BABAM2: variants seen among roughly 807,000 people sequenced by gnomAD.
The protein encoded by BABAM2 is BRISC and BRCA1-A complex member 2.
BABAM2 carries 31 observed loss-of-function variants against 54.7 expected under a neutral mutation model. The ratio of observed to expected loss-of-function variants is 0.57; its 90% CI spans 0.43 to 0.77. The LOEUF is 0.77. Among genes scored for constraint, BABAM2 ranks in the 30% least tolerant of loss-of-function variants. BABAM2 has a pLI of 0.00. For synonymous variants in BABAM2, 167 were observed against 162.9 expected (o/e 1.03, Z -0.19); for missense variants, 364 against 455.8 (o/e 0.80, Z 1.83).
chr2:27,917,174 C>T (rs897156913), intron 2 of BABAM2, among the ~76,000 whole-genome samples: 1 of 151,920 alleles, frequency 6.6e-6, no homozygotes, highest in African/African-American at 2.4e-5. Flanking sequence ...CGTGCCACCA[C>T]GCGCAGCTAA....
At chr2:28,025,515 A>C in intron 5 of BABAM2, 95 bp downstream of exon 5, 1 of 1,220,918 alleles carries the variant, frequency 8.2e-7, no homozygotes, top group Non-Finnish European at 1.1e-6. Context: ...ATTTCTTTAG[A>C]TAAACATGGT....
chr2:28,193,413 C>T (rs1221435962), intron 7 of BABAM2, among the ~76,000 whole-genome samples: 3 of 152,112 alleles, frequency 2.0e-5, no homozygotes, highest in Admixed American at 2.0e-4. Flanking sequence ...GGCTCTGGCT[C>T]TGACGCTTAA....
chr2:28,311,260 CA>C (rs11309935), intron 11 of BABAM2, among the ~76,000 whole-genome samples: 69,617 of 110,486 alleles, frequency 0.63, 18,820 homozygotes, highest in Middle Eastern at 0.76. Context: ...GACCCTGTCT[CA>C]AAAAAAAAAA....
At chr2:27,931,065 T>TATAG (rs1668056477) in intron 3 of BABAM2, among the ~76,000 whole-genome samples, 3 of 152,238 alleles carry the variant, frequency 2.0e-5, no homozygotes, top group Middle Eastern at 3.2e-3. Context: ...TTCTGTAGAA[T>TATAG]CACTTGATAC....
intron 11 of BABAM2, among the ~76,000 whole-genome samples, chr2:28,333,597 G>A (rs763406831): frequency 4.6e-5 from 7 of 152,184 alleles, no homozygotes; most frequent in East Asian, 1.9e-4. Flanking sequence ...GGGTTGGACC[G>A]AGTTGTAATT....
At chr2:28,211,159 G>A (rs895266205) in intron 7 of BABAM2, among the ~76,000 whole-genome samples, 8 of 152,058 alleles carry the variant, frequency 5.3e-5, no homozygotes, top group Non-Finnish European at 1.2e-4. Context: ...TTTCGCATTG[G>A]TTCCCAAAAA....
At chr2:28,188,228 C>T (rs919953911) in intron 7 of BABAM2, among the ~76,000 whole-genome samples, 4 of 152,184 alleles carry the variant, frequency 2.6e-5, no homozygotes, top group African/African-American at 7.2e-5. Flanking sequence ...ATTCTACCTA[C>T]ACATTGGCAT....
At chr2:28,227,613 G>C (rs1490453227) in intron 7 of BABAM2, among the ~76,000 whole-genome samples, 1 of 152,156 alleles carries the variant, frequency 6.6e-6, no homozygotes, top group African/African-American at 2.4e-5. Flanking sequence ...CTTAAGAGCA[G>C]ACCTGTGTTT....
intron 7 of BABAM2, among the ~76,000 whole-genome samples, chr2:28,130,985 C>T (rs1025391818): frequency 1.3e-5 from 2 of 151,906 alleles, no homozygotes; most frequent in Non-Finnish European, 2.9e-5. Flanking sequence ...AGGTGATCTG[C>T]CCGCTTCGGC....
intron 7 of BABAM2, among the ~76,000 whole-genome samples, chr2:28,160,216 A>T (rs1672932140): frequency 6.6e-6 from 1 of 152,128 alleles, no homozygotes; most frequent in South Asian, 2.1e-4. Context: ...TCCTGGCCTC[A>T]GGGGATCCTC....
chr2:28,065,869 G>A (rs1238534142), intron 6 of BABAM2, among the ~76,000 whole-genome samples: 1 of 151,538 alleles, frequency 6.6e-6, no homozygotes. Flanking sequence ...GGCTGGGTGC[G>A]GTAGCTCATG....
At chr2:27,975,663 A>T (rs1021501517) in intron 3 of BABAM2, among the ~76,000 whole-genome samples, 1 of 152,134 alleles carries the variant, frequency 6.6e-6, no homozygotes, top group Non-Finnish European at 1.5e-5. Flanking sequence ...TAGATACAAC[A>T]GTAGAAACAT....
At chr2:27,932,081 G>A (rs922338245) in intron 3 of BABAM2, among the ~76,000 whole-genome samples, 7 of 151,948 alleles carry the variant, frequency 4.6e-5, no homozygotes, top group Admixed American at 1.3e-4. Context: ...TCTATGTATC[G>A]TAGATTCTAT....
At position 28,329,686 on chromosome 2, in the gene BABAM2, A is replaced by G. The variant is rs1462061361; in HGVS notation, c.1089-8764A>G. ...AACAAGTTCTGAAATTGAGGCAGTA[A>G]TAAATAGCCTACCAACCAAAAAAAG... is the stretch of plus-strand genomic sequence containing the variant. On this transcript the variant is annotated intron_variant, in intron 11 of 11. Transcript: ENST00000379624. This position sits in a 1 kb window ranked among gnomAD's most constrained non-coding sequence, Gnocchi z 4.2. 6.6e-6 allele frequency among the ~76,000 whole-genome samples: 1 copy of G among 152,246 alleles called. No individual in the cohort carries two copies.
intron 6 of BABAM2, among the ~76,000 whole-genome samples, chr2:28,074,028 C>CAT (rs1195905364): frequency 3.9e-5 from 6 of 151,942 alleles, no homozygotes; most frequent in Admixed American, 2.0e-4. Flanking sequence ...CATATATACA[C>CAT]ATATATATAC....
intron 6 of BABAM2, among the ~76,000 whole-genome samples, chr2:28,078,575 C>T (rs909517580): frequency 1.3e-5 from 2 of 152,130 alleles, no homozygotes; most frequent in Non-Finnish European, 1.5e-5. Flanking sequence ...TGATTTTAGG[C>T]ATCCACTGGC....
chr2:27,954,413 A>G (rs974300903), intron 3 of BABAM2, among the ~76,000 whole-genome samples: 3 of 152,254 alleles, frequency 2.0e-5, no homozygotes, highest in Non-Finnish European at 4.4e-5. Flanking sequence ...TGGAGGCCTC[A>G]GCAACTCACT....
intron 7 of BABAM2, among the ~76,000 whole-genome samples, chr2:28,151,821 T>A (rs1403589430): frequency 2.0e-5 from 3 of 152,218 alleles, no homozygotes; most frequent in Non-Finnish European, 2.9e-5. Context: ...TCAATTCAAA[T>A]CTTTTCTTGG....
chr2:28,205,031 ATT>A (rs565848893), intron 7 of BABAM2, among the ~76,000 whole-genome samples: 1 of 147,676 alleles, frequency 6.8e-6, no homozygotes. Context: ...ATTCTTTTCT[ATT>A]TTTTTTTGGC....
Sources: gnomAD v4.1 joint callset for allele counts (sites outside exome capture counted in the v4.1 genomes callset) on GRCh38, gnomAD v4.1.1 for gene constraint, Gnocchi (gnomAD v3.1) non-coding constraint, MANE v1.5 for transcripts, NCBI Gene and HGNC (gene_info 2026-07-23, HGNC 2026-07-21) for gene names.